The following ARMC1 variants were observed in gnomAD, a reference collection of about 807,000 sequenced individuals.
The protein encoded by ARMC1 is armadillo repeat-containing protein 1.
Under a neutral mutation model 31.4 loss-of-function variants are expected in ARMC1, and 16 were observed. The ratio of observed to expected loss-of-function variants is 0.51; its 90% confidence interval spans 0.34 to 0.77. The LOEUF is 0.77. ARMC1 is among the 30% of genes least tolerant of loss of function. ARMC1 has a pLI of 0.01. For missense variants in ARMC1, 259 were observed against 347.5 expected (o/e 0.75, Z 2.02); for synonymous variants, 114 against 118.9 (o/e 0.96, Z 0.27).
At position 65,605,499 on chromosome 8, in the gene ARMC1, T is replaced by C; in HGVS notation, c.505A>G (p.Lys169Glu). The change falls in exon 5 of 7, where the codon AAA (lysine) becomes GAA (glutamate). Residue 169 changes from lysine (K) to glutamate (E), a missense_variant. Around this residue, in one of 3 missense-constraint regions of ARMC1, gnomAD observed 23 missense variants for 60.8 expected, o/e 0.38. Coordinates refer to ENST00000276569, the MANE Select transcript of ARMC1 (RefSeq NM_018120.6). The stretch of plus-strand genomic sequence containing the variant: ...TGAAAAGTAAAGCTAATAACACCTT[T>C]AATTTTTAACAAAGCCTCTTCACAT... Reference protein sequence around the residue: ...NLCEEALLKIKGVISFTFQMA... With the variant: ...NLCEEALLKIEGVISFTFQMA... 2.5e-6 allele frequency: 4 copies of C among 1,614,016 alleles called. No homozygotes were observed. The highest frequency in any genetic ancestry group is 3.4e-6 in the Non-Finnish European group (4 of 1,179,900).
chr8:65,630,167 TGTGA>T (rs1808611288), intron 1 of ARMC1, among the ~76,000 whole-genome samples: 2 of 151,990 alleles, frequency 1.3e-5, no homozygotes, highest in Non-Finnish European at 2.9e-5. Flanking sequence ...AAAAAATCGC[TGTGA>T]GTAAATTTCA....
intron 3 of ARMC1, among the ~76,000 whole-genome samples, chr8:65,617,860 A>G (rs1808305427): frequency 6.6e-6 from 1 of 151,942 alleles, no homozygotes; most frequent in South Asian, 2.1e-4. Flanking sequence ...GAAAAAAAAA[A>G]AACTGTAACA....
chr8:65,603,322 T>C lies in ARMC1; in HGVS notation c.*1072A>G, dbSNP rs1373430282. 5 of 152,184 alleles carry C rather than the reference T, an allele frequency of 3.3e-5. No individual in the cohort carries two copies. The highest frequency in any genetic ancestry group is 4.8e-5 in the African/African-American group (2 of 41,446). 9.4% of individuals were successfully genotyped at this position (152,184 alleles called of 1,614,324 possible). A position where few individuals can be genotyped will look rare whatever the true frequency, so the allele number is the denominator to read the frequency against. On this transcript the variant is annotated 3_prime_UTR_variant, in exon 7 of 7. Transcript: ENST00000276569. ...GATCAATGCTGGCTTTATTTCTTCA[T>C]AAGCAGTAATTTGGGTCTTTTTCAT...
In ARMC1 at chr8:65,611,848, A is replaced by G. The variant is rs564533146; in HGVS notation, c.465+1396T>C. On this transcript the variant is annotated intron_variant, in intron 4 of 6. Coordinates refer to ENST00000276569, the MANE Select transcript of ARMC1 (RefSeq NM_018120.6). ...GAGTGCAGTGGCGTGATCTCAGCTC[A>G]CCACAACCTCCACCTCCTGGGTTCA... Among the ~76,000 whole-genome samples the G allele has an allele frequency of 1.5e-3, 223 of 150,922 alleles. 1 individual carries two copies. The highest frequency in any genetic ancestry group is 2.3e-3 in the Admixed American group (34 of 15,086).
At chr8:65,618,329 TG>T (rs1179314497) in intron 3 of ARMC1, among the ~76,000 whole-genome samples, 3 of 151,490 alleles carry the variant, frequency 2.0e-5, no homozygotes, top group Non-Finnish European at 4.4e-5. Flanking sequence ...GAGACCATCC[TG>T]GCTAACACGG....
chr8:65,616,526 C>T (rs552399655), intron 3 of ARMC1, among the ~76,000 whole-genome samples: 1 of 152,142 alleles, frequency 6.6e-6, no homozygotes, highest in South Asian at 2.1e-4. Flanking sequence ...CCCAAAGTGC[C>T]GAGATTGCAG....
chr8:65,618,165 C>T (rs1367264558), intron 3 of ARMC1, among the ~76,000 whole-genome samples: 6 of 152,008 alleles, frequency 3.9e-5, no homozygotes, highest in Non-Finnish European at 2.9e-5. Flanking sequence ...ACACCCGCCT[C>T]GGCCTCCCAA....
chr8:65,616,709 C>T (rs1428157920), intron 3 of ARMC1, among the ~76,000 whole-genome samples: 3 of 151,248 alleles, frequency 2.0e-5, no homozygotes, highest in Non-Finnish European at 4.4e-5. Flanking sequence ...CCCGGCCACC[C>T]ATAGTCTGAG....
At chr8:65,630,464 GA>G (rs1313584343) in intron 1 of ARMC1, among the ~76,000 whole-genome samples, 1 of 152,058 alleles carries the variant, frequency 6.6e-6, no homozygotes, top group Non-Finnish European at 1.5e-5. Context: ...GAACTATACT[GA>G]AAAAAAGTTA....
At chr8:65,618,701 G>A (rs1808329121) in intron 3 of ARMC1, among the ~76,000 whole-genome samples, 1 of 151,928 alleles carries the variant, frequency 6.6e-6, no homozygotes. Context: ...CAGGGAAGGA[G>A]AACTATGATG....
rs567011218 is a variant in ARMC1, at chr8:65,618,738, A to C, written c.275+3525T>G. ...CAAGAAACCATCCCAATGTTTGGAA[A>C]AATCTAATAAAAAGGTAACTGTCGG... On this transcript the variant is annotated intron_variant, in intron 3 of 6. Coordinates refer to ENST00000276569, the MANE Select transcript of ARMC1 (RefSeq NM_018120.6). 9.9e-5 allele frequency among the ~76,000 whole-genome samples: 15 copies of C among 151,992 alleles called. 1 individual carries two copies. The South Asian group carries it at 3.1e-3, about 32-fold the overall frequency.
intron 4 of ARMC1, among the ~76,000 whole-genome samples, chr8:65,611,095 G>C (rs1282318146): frequency 2.0e-5 from 3 of 151,878 alleles, no homozygotes; most frequent in Non-Finnish European, 4.4e-5. Flanking sequence ...TATCACACCT[G>C]GCTAATTTTT....
chr8:65,621,779 G>A lies in ARMC1; in HGVS notation c.275+484C>T, dbSNP rs552360827. On this transcript the variant is annotated intron_variant, in intron 3 of 6. Coordinates refer to ENST00000276569, the MANE Select transcript of ARMC1 (RefSeq NM_018120.6). ...CTGCCTTGGCCTCCCAAATTGCTGG[G>A]ATTTCAGGCATGAGCCACCATGCCC... Among the ~76,000 whole-genome samples the A allele has an allele frequency of 2.6e-5, 4 of 152,334 alleles. No homozygotes were observed. The East Asian group carries it at 7.7e-4, about 29-fold the overall frequency.
chr8:65,623,330 G>A (rs1181142570), intron 2 of ARMC1, among the ~76,000 whole-genome samples: 4 of 49,816 alleles, frequency 8.0e-5, no homozygotes, highest in African/African-American at 1.8e-4. Context: ...AAAAATGCTG[G>A]GCGCTGAGTG....
chr8:65,631,335 A>G (rs1312413046), intron 1 of ARMC1, among the ~76,000 whole-genome samples: 1 of 152,134 alleles, frequency 6.6e-6, no homozygotes, highest in Non-Finnish European at 1.5e-5. Flanking sequence ...CTCAGGTTCA[A>G]GCAATTCTCC....
intron 3 of ARMC1, among the ~76,000 whole-genome samples, chr8:65,619,335 C>T (rs549917695): frequency 1.3e-5 from 2 of 151,770 alleles, no homozygotes; most frequent in East Asian, 1.9e-4. Flanking sequence ...GCCACGAGTT[C>T]GAGACCAGCC....
At chr8:65,631,528 C>T (rs900083761) in intron 1 of ARMC1, among the ~76,000 whole-genome samples, 5 of 152,212 alleles carry the variant, frequency 3.3e-5, no homozygotes, top group African/African-American at 1.2e-4. Context: ...GCCACCACGC[C>T]TGGCCATTGC....
Position 65,604,453 on chromosome 8 carries a change from C to A in ARMC1, c.790G>T (p.Gly264Cys). The A allele has an allele frequency of 6.2e-7, 1 of 1,614,170 alleles. No individual in the cohort carries two copies. The highest frequency in any genetic ancestry group is 8.5e-7 in the Non-Finnish European group (1 of 1,180,034). ...AVSRVGSHPEGGASWLSTAAN... is the reference protein window; with the variant it reads ...AVSRVGSHPECGASWLSTAAN... ...GCTGTGCTAAGCCAGCTAGCTCCAC[C>A]TTCTGGGTGTGAGCCGACCCGGGAC... The change falls in exon 7 of 7, where the codon GGT becomes TGT. Residue 264 changes from glycine (G) to cysteine (C), a missense_variant. Gly to Cys is a radical substitution (Grantham distance 159). Coordinates refer to ENST00000276569, the MANE Select transcript of ARMC1 (RefSeq NM_018120.6).
intron 4 of ARMC1, among the ~76,000 whole-genome samples, chr8:65,608,769 C>A (rs1273435058): frequency 6.6e-6 from 1 of 151,856 alleles, no homozygotes; most frequent in African/African-American, 2.4e-5. Flanking sequence ...ATTGGCCGGG[C>A]ATGGTGGTGG....
Sources: gnomAD v4.1 joint callset for allele counts (sites outside exome capture counted in the v4.1 genomes callset) on GRCh38, gnomAD v4.1.1 for gene constraint, gnomAD v4.1.1 regional missense constraint, MANE v1.5 for transcripts, NCBI Gene and HGNC (gene_info 2026-07-23, HGNC 2026-07-21) for gene names.